The following ADGRL2 variants were observed in gnomAD, a reference collection of about 807,000 sequenced individuals.
ADGRL2 encodes the protein adhesion G protein-coupled receptor L2, also known as calcium-independent alpha-latrotoxin receptor 2.
A neutral mutation model predicts 157.4 loss-of-function variants in ADGRL2; 44 were observed. That is an observed-to-expected ratio of 0.28 (90% CI 0.22 to 0.36). The LOEUF (loss-of-function observed/expected upper bound fraction) is 0.36. ADGRL2 is among the 10% of genes least tolerant of loss of function. ADGRL2 has a pLI of 1.00. For missense variants in ADGRL2, 1,510 were observed against 1,768.9 expected (o/e 0.85, Z 2.63); for synonymous variants, 585 against 624.7 (o/e 0.94, Z 0.95).
At chr1:81,458,102 A>G (rs1041198102) in intron 2 of ADGRL2, among the ~76,000 whole-genome samples, 4 of 152,222 alleles carry the variant, frequency 2.6e-5, no homozygotes, top group African/African-American at 9.6e-5. Flanking sequence ...AGGGAAATTA[A>G]GCAATGTTGC....
chr1:81,360,725 G>A (rs1570722807), intron 1 of ADGRL2, among the ~76,000 whole-genome samples: 1 of 151,852 alleles, frequency 6.6e-6, no homozygotes, highest in Non-Finnish European at 1.5e-5. Flanking sequence ...GAAGAGAAGG[G>A]AAGGAAAGAA....
intron 3 of ADGRL2, among the ~76,000 whole-genome samples, chr1:81,909,925 A>G (rs964255033): frequency 6.6e-6 from 1 of 151,980 alleles, no homozygotes; most frequent in Non-Finnish European, 1.5e-5. Context: ...ATGGTTATAA[A>G]TTGGTGTTTA....
chr1:81,603,410 C>G (rs527418266), intron 3 of ADGRL2, among the ~76,000 whole-genome samples: 2 of 152,148 alleles, frequency 1.3e-5, no homozygotes, highest in African/African-American at 4.8e-5. Flanking sequence ...CACATAATTA[C>G]TTATCTTCCA....
chr1:81,948,227 C>A (rs1296939443), intron 6 of ADGRL2, among the ~76,000 whole-genome samples: 14 of 133,088 alleles, frequency 1.1e-4, no homozygotes, highest in Middle Eastern at 3.9e-3. Context: ...AAAAAAAAAA[C>A]AAAAACAAAA....
At chr1:81,797,101 A>G (rs1464980025), upstream of ADGRL2, among the ~76,000 whole-genome samples, 1 of 152,180 alleles carries the variant, frequency 6.6e-6, no homozygotes, top group Non-Finnish European at 1.5e-5. Context: ...CTAGAGCTTT[A>G]ATGTAGTTTA....
At chr1:81,829,890 A>C in intron 1 of ADGRL2, among the ~76,000 whole-genome samples, 1 of 152,148 alleles carries the variant, frequency 6.6e-6, no homozygotes, top group Non-Finnish European at 1.5e-5. Context: ...CAGTCCTTGT[A>C]GGGGCAGGTT....
rs35114762 is a variant in ADGRL2, at chr1:81,415,843, CT to C, written c.-301-29178del. Among the ~76,000 whole-genome samples the C allele has an allele frequency of 6.2e-3, 851 of 137,816 alleles. 8 individuals carry two copies. The highest frequency in any genetic ancestry group is 0.018 in the African/African-American group (698 of 38,058). The allele number at this position is 137,816 out of a possible 152,430, so 90.4% of individuals were successfully genotyped here. On this transcript the variant is annotated intron_variant, in intron 1 of 24. Coordinates refer to the ADGRL2 transcript ENST00000370721. ...ATTTGAAGAACAGTATCTCCTTTTCCTTTTTTTTTTTTTTTGAGACGGAGTC... is the reference window on the plus strand; with the variant it reads ...ATTTGAAGAACAGTATCTCCTTTTCCTTTTTTTTTTTTTTGAGACGGAGTC...
At chr1:81,908,476 C>T (rs1308722953) in intron 3 of ADGRL2, among the ~76,000 whole-genome samples, 1 of 152,164 alleles carries the variant, frequency 6.6e-6, no homozygotes, top group African/African-American at 2.4e-5. Context: ...TGGATAGACA[C>T]AGTTGATCCA....
At chr1:81,758,227 T>C (rs2085755921) in intron 1 of ADGRL2, among the ~76,000 whole-genome samples, 1 of 152,128 alleles carries the variant, frequency 6.6e-6, no homozygotes, top group Admixed American at 6.6e-5. Context: ...TAAGTGAACA[T>C]AGAGTTTGAG....
intron 3 of ADGRL2, among the ~76,000 whole-genome samples, chr1:81,597,724 C>G (rs1352549365): frequency 5.9e-5 from 9 of 152,126 alleles, no homozygotes; most frequent in Non-Finnish European, 2.9e-5. Flanking sequence ...TATTATAAGT[C>G]AGAAATGCAT....
intron 2 of ADGRL2, among the ~76,000 whole-genome samples, chr1:81,544,925 T>C (rs1334300619): frequency 2.0e-5 from 3 of 152,128 alleles, no homozygotes; most frequent in Non-Finnish European, 4.4e-5. Flanking sequence ...TTTCCATCAG[T>C]TTCTCATCTA....
At chr1:81,356,274 G>A (rs958882940) in intron 1 of ADGRL2, among the ~76,000 whole-genome samples, 1 of 152,148 alleles carries the variant, frequency 6.6e-6, no homozygotes, top group African/African-American at 2.4e-5. Flanking sequence ...TTTCACTGAG[G>A]CTTAGGTTAT....
chr1:81,931,103 C>A (rs866749290), intron 3 of ADGRL2, among the ~76,000 whole-genome samples: 43 of 152,134 alleles, frequency 2.8e-4, no homozygotes, highest in African/African-American at 8.7e-4. Flanking sequence ...GAGCCAAGAT[C>A]GTGCCACTGC....
intron 2 of ADGRL2, among the ~76,000 whole-genome samples, chr1:81,540,463 T>C (rs2079854875): frequency 6.6e-6 from 1 of 152,094 alleles, no homozygotes; most frequent in African/African-American, 2.4e-5. Context: ...CAGAAAATAA[T>C]GGAAATGCAT....
intron 11 of ADGRL2, among the ~76,000 whole-genome samples, chr1:81,964,956 A>C (rs1290400412): frequency 6.6e-6 from 1 of 152,172 alleles, no homozygotes; most frequent in Non-Finnish European, 1.5e-5. Flanking sequence ...TCCTTTTAAA[A>C]TCTAAATGAA....
intron 1 of ADGRL2, among the ~76,000 whole-genome samples, chr1:81,358,550 A>T (rs1020379153): frequency 6.6e-6 from 1 of 152,138 alleles, no homozygotes; most frequent in Non-Finnish European, 1.5e-5. Context: ...ATTTCTTCAG[A>T]GATATAGAAC....
chr1:81,584,623 A>G (rs971727609), intron 3 of ADGRL2, among the ~76,000 whole-genome samples: 3 of 152,138 alleles, frequency 2.0e-5, no homozygotes, highest in African/African-American at 7.2e-5. Flanking sequence ...TTTTTTGGCA[A>G]TCGCGCTTTT....
intron 3 of ADGRL2, among the ~76,000 whole-genome samples, chr1:81,916,180 TTACTA>T (rs1206260347): frequency 6.6e-6 from 1 of 152,210 alleles, no homozygotes; most frequent in African/African-American, 2.4e-5. Flanking sequence ...TGGTGGCATT[TTACTA>T]ATACACATTT....
intron 1 of ADGRL2, among the ~76,000 whole-genome samples, chr1:81,388,233 C>A (rs574603571): frequency 9.9e-5 from 15 of 152,080 alleles, no homozygotes; most frequent in Non-Finnish European, 2.2e-4. Context: ...ACACATAGTG[C>A]TTTGTGTGTG....
Sources: gnomAD v4.1 joint callset for allele counts (sites outside exome capture counted in the v4.1 genomes callset) on GRCh38, gnomAD v4.1.1 for gene constraint, MANE v1.5 for transcripts, NCBI Gene and HGNC (gene_info 2026-07-23, HGNC 2026-07-21) for gene names.